MET: variants seen among roughly 807,000 people sequenced by gnomAD.
MET encodes the protein hepatocyte growth factor receptor.
Under a neutral mutation model 133.1 loss-of-function variants are expected in MET, and 48 were observed. That is an observed-to-expected ratio of 0.36 (90% confidence interval 0.29 to 0.46). The LOEUF is 0.46. Among genes scored for constraint, MET ranks in the 20% least tolerant of loss-of-function variants. The probability of loss-of-function intolerance (pLI) is 1.00; values close to 1 mark genes in which losing one functional copy is unlikely to be tolerated. For missense variants in MET, 1,442 were observed against 1,695.9 expected, an observed-to-expected ratio of 0.85 and a Z score of 2.63; for synonymous variants, 628 against 616.5, an observed-to-expected ratio of 1.02 and a Z score of -0.28.
At chr7:116,778,506 G>A (rs1484863610) in intron 16 of MET, among the ~76,000 whole-genome samples, 1 of 152,168 alleles carries the variant, frequency 6.6e-6, no homozygotes, top group Non-Finnish European at 1.5e-5. Context: ...TGAAACCTAA[G>A]TATAACCTTT....
intron 5 of MET, among the ~76,000 whole-genome samples, chr7:116,752,168 A>G (rs1562917743): frequency 1.3e-5 from 2 of 152,250 alleles, no homozygotes; most frequent in African/African-American, 4.8e-5. Context: ...ATAGGAGGGT[A>G]GGCAGGCAGT....
Position 116,755,523 on chromosome 7 carries a change from T to G in MET, c.1862+8T>G, listed in dbSNP as rs1366709635. On this transcript the variant is annotated splice_region_variant and intron_variant, in intron 6 of 20. Coordinates refer to ENST00000397752, the MANE Select transcript of MET (RefSeq NM_000245.4). ...TGAGAGCACGATGAATACGTAAGGA[T>G]CTTAAAATGCTTTGCTGGGGTGTGC... 6.2e-7 allele frequency: 1 copy of G among 1,613,938 alleles called. No homozygotes were observed. Among genetic ancestry groups the G allele is most frequent in the Admixed American group, 1.7e-5 (1 of 59,996 alleles).
Position 116,689,517 on chromosome 7 carries a change from A to G in MET, c.-14-9554A>G, listed in dbSNP as rs938304724. On this transcript the variant is annotated intron_variant, in intron 1 of 20. Coordinates refer to ENST00000397752, the MANE Select transcript of MET (RefSeq NM_000245.4). ...AAATTCAAATTTAACTCAGCATCCT[A>G]TATCTTTACTTGCTAAATCTCAGTT... 3.4e-5 allele frequency among the ~76,000 whole-genome samples: 5 copies of G among 145,720 alleles called. No individual in the cohort carries two copies. In the Middle Eastern group the frequency reaches 0.011, roughly 321 times the overall value.
At chr7:116,683,745 C>T (rs181632403) in intron 1 of MET, among the ~76,000 whole-genome samples, 1 of 152,176 alleles carries the variant, frequency 6.6e-6, no homozygotes, top group South Asian at 2.1e-4. Flanking sequence ...TCCCTTTTGA[C>T]CCGTCTGTAG....
intron 11 of MET, among the ~76,000 whole-genome samples, chr7:116,766,022 A>G (rs541158141): frequency 1.3e-5 from 2 of 152,270 alleles, no homozygotes; most frequent in East Asian, 3.9e-4. Flanking sequence ...CATTATAGAG[A>G]CACTTTTCTA....
chr7:116,717,906 A>G (rs185264958), intron 2 of MET, among the ~76,000 whole-genome samples: 2 of 152,272 alleles, frequency 1.3e-5, no homozygotes, highest in African/African-American at 4.8e-5. Context: ...TTTTTATAAA[A>G]AAAGCTATAT....
At chr7:116,723,382 T>C (rs1792582083) in intron 2 of MET, among the ~76,000 whole-genome samples, 1 of 150,304 alleles carries the variant, frequency 6.7e-6, no homozygotes, top group Non-Finnish European at 1.5e-5. Context: ...TATACATTCT[T>C]CTAAATTTTT....
intron 11 of MET, among the ~76,000 whole-genome samples, chr7:116,764,731 G>T (rs765413500): frequency 1.3e-5 from 2 of 152,066 alleles, no homozygotes; most frequent in Admixed American, 6.5e-5. Context: ...CCAACATGGC[G>T]AAAGGGTCTT....
At chr7:116,752,743 G>A (rs780044012) in intron 5 of MET, among the ~76,000 whole-genome samples, 4 of 152,106 alleles carry the variant, frequency 2.6e-5, no homozygotes, top group Non-Finnish European at 5.9e-5. Flanking sequence ...CACCCAATCC[G>A]TTTGCCTTTT....
chr7:116,698,394 T>A (rs1797041595), intron 1 of MET, among the ~76,000 whole-genome samples: 1 of 152,220 alleles, frequency 6.6e-6, no homozygotes, highest in African/African-American at 2.4e-5. Flanking sequence ...TTTTATACAT[T>A]TTCAGCCTCC....
chr7:116,757,551 T>A lies in MET; in HGVS notation c.1965+12T>A. The A allele has an allele frequency of 6.2e-7, 1 of 1,613,110 alleles. No homozygotes were observed. The highest frequency in any genetic ancestry group is 1.1e-5 in the South Asian group (1 of 91,056). Reference sequence around the variant, plus strand: ...CATTCTCCTATGTGGTAAGGAAGATTCTATCCTATCATGTTTGATTTTTAC... The same window carrying A: ...CATTCTCCTATGTGGTAAGGAAGATACTATCCTATCATGTTTGATTTTTAC... On this transcript the variant is annotated intron_variant, in intron 7 of 20. Coordinates refer to ENST00000397752, the MANE Select transcript of MET (RefSeq NM_000245.4).
At chr7:116,735,965 C>T (rs1019006787) in intron 3 of MET, among the ~76,000 whole-genome samples, 1 of 151,698 alleles carries the variant, frequency 6.6e-6, no homozygotes, top group Admixed American at 6.6e-5. Flanking sequence ...TTAGTAGAGA[C>T]GGGTTTTTCG....
chr7:116,714,587 C>T (rs28527400), intron 2 of MET, among the ~76,000 whole-genome samples: 5,024 of 152,234 alleles, frequency 0.033, 300 homozygotes, highest in African/African-American at 0.11. Context: ...AGCTATTGTA[C>T]GTGTCAATCT....
intron 1 of MET, among the ~76,000 whole-genome samples, chr7:116,691,728 T>C (rs1267649933): frequency 1.3e-5 from 2 of 152,114 alleles, no homozygotes; most frequent in Admixed American, 1.3e-4. Context: ...CAAGTTAACA[T>C]CATCTTTAGT....
chr7:116,737,371 G>A (rs547644833), intron 3 of MET, among the ~76,000 whole-genome samples: 2 of 152,328 alleles, frequency 1.3e-5, no homozygotes, highest in East Asian at 1.9e-4. Context: ...AGTAACTGGC[G>A]AGGCAAATAT....
intron 1 of MET, among the ~76,000 whole-genome samples, chr7:116,677,637 C>T (rs1349044989): frequency 6.6e-6 from 1 of 152,196 alleles, no homozygotes; most frequent in African/African-American, 2.4e-5. Context: ...CCTGATGGTC[C>T]CAATTGCAGC....
At chr7:116,723,733 T>C (rs1044323253) in intron 2 of MET, among the ~76,000 whole-genome samples, 20 of 152,194 alleles carry the variant, frequency 1.3e-4, no homozygotes, top group African/African-American at 4.1e-4. Flanking sequence ...TCTGTTGGAG[T>C]ACCCTGCCGT....
chr7:116,797,266 C>T lies in MET; in HGVS notation c.*1142C>T, dbSNP rs1795705751. The T allele has an allele frequency of 4.6e-6, 1 of 218,500 alleles. No individual in the cohort carries two copies. Among genetic ancestry groups the T allele is most frequent in the Non-Finnish European group, 9.1e-6 (1 of 109,572 alleles). 13.5% of individuals were successfully genotyped at this position (218,500 alleles called of 1,614,324 possible). A position where few individuals can be genotyped will look rare whatever the true frequency, so the allele number is the denominator to read the frequency against. ...TGTTTGTAAAGCAGGATACATTTTACTAAAAGGTTCATTGGTTCCAATCAC... is the reference window on the plus strand; with the variant it reads ...TGTTTGTAAAGCAGGATACATTTTATTAAAAGGTTCATTGGTTCCAATCAC... On this transcript the variant is annotated 3_prime_UTR_variant, in exon 21 of 21. Coordinates refer to ENST00000397752, the MANE Select transcript of MET (RefSeq NM_000245.4).
At chr7:116,786,770 C>G (rs958928340) in intron 19 of MET, among the ~76,000 whole-genome samples, 3 of 152,140 alleles carry the variant, frequency 2.0e-5, no homozygotes, top group African/African-American at 7.2e-5. Context: ...AATGTGCAAA[C>G]AAAGTAGTCA....
Sources: allele counts gnomAD v4.1 joint callset (sites outside exome capture counted in the v4.1 genomes callset), GRCh38; gene constraint gnomAD v4.1.1; transcripts MANE v1.5; gene names NCBI Gene and HGNC (gene_info 2026-07-23, HGNC 2026-07-21).